The following CFAP54 variants were observed in gnomAD, a reference collection of about 807,000 sequenced individuals.
CFAP54 encodes cilia- and flagella-associated protein 54.
Under a neutral mutation model 370.4 loss-of-function variants are expected in CFAP54, and 290 were observed. The observed-to-expected ratio is 0.78, with a 90% CI of 0.71 to 0.86. The LOEUF is 0.86. Ranked by LOEUF, CFAP54 falls within the 40% of genes least tolerant of loss-of-function variation. The pLI is 0.00. For missense variants in CFAP54, 3,399 were observed against 3,528.7 expected (o/e 0.96, Z 0.93); for synonymous variants, 1,206 against 1,236.5 (o/e 0.98, Z 0.52).
intron 22 of CFAP54, among the ~76,000 whole-genome samples, chr12:96,582,466 A>T (rs1956041665): frequency 6.6e-6 from 1 of 152,110 alleles, no homozygotes; most frequent in African/African-American, 2.4e-5. Flanking sequence ...GTGGCATTTT[A>T]TATAGCATAT....
intron 65 of CFAP54, among the ~76,000 whole-genome samples, chr12:96,822,337 C>T (rs531328887): frequency 1.9e-4 from 29 of 152,252 alleles, no homozygotes; most frequent in African/African-American, 6.3e-4. Flanking sequence ...TTTGCCAAGT[C>T]ACCTAAGGTT....
chr12:96,522,291 C>A, intron 8 of CFAP54, 102 bp downstream of exon 8: 1 of 768,044 alleles, frequency 1.3e-6, no homozygotes, highest in Non-Finnish European at 2.0e-6. Context: ...TAAATTCTGC[C>A]CCCAGTTCTC....
At chr12:96,577,640 G>GTT (rs34212241) in intron 20 of CFAP54, among the ~76,000 whole-genome samples, 102 of 149,034 alleles carry the variant, frequency 6.8e-4, no homozygotes, top group Non-Finnish European at 1.1e-3. Flanking sequence ...CATTTCCTGA[G>GTT]TTTTTTTTTT....
intron 65 of CFAP54, among the ~76,000 whole-genome samples, chr12:96,819,117 G>A (rs1047232863): frequency 2.0e-5 from 3 of 152,204 alleles, no homozygotes; most frequent in Non-Finnish European, 4.4e-5. Context: ...ACTTTTAGCT[G>A]CTACGTTTGT....
intron 12 of CFAP54, among the ~76,000 whole-genome samples, chr12:96,536,006 A>G (rs1362543346): frequency 6.6e-6 from 1 of 152,242 alleles, no homozygotes; most frequent in African/African-American, 2.4e-5. Context: ...AACTATTATA[A>G]TATAGCAATG....
chr12:96,517,619 C>T (rs1321088521), intron 5 of CFAP54, among the ~76,000 whole-genome samples: 1 of 152,216 alleles, frequency 6.6e-6, no homozygotes, highest in Non-Finnish European at 1.5e-5. Flanking sequence ...AATTTCATAT[C>T]AGTTCACAAA....
chr12:96,583,215 A>C (rs964388720), intron 22 of CFAP54, among the ~76,000 whole-genome samples: 5 of 152,070 alleles, frequency 3.3e-5, no homozygotes, highest in Non-Finnish European at 5.9e-5. Context: ...TTTTTTGAGG[A>C]AACTTTTTGA....
At chr12:96,598,995 A>G (rs1047898819) in intron 26 of CFAP54, among the ~76,000 whole-genome samples, 5 of 151,856 alleles carry the variant, frequency 3.3e-5, no homozygotes, top group African/African-American at 9.7e-5. Context: ...TTGAAATAGC[A>G]TTAGTATATC....
chr12:96,803,005 A>G (rs1958838362), intron 63 of CFAP54, among the ~76,000 whole-genome samples: 1 of 152,072 alleles, frequency 6.6e-6, no homozygotes, highest in South Asian at 2.1e-4. Context: ...AAGGACATGA[A>G]CTCATTCTTT....
intron 48 of CFAP54, 53 bp from the exon 49 acceptor site, chr12:96,718,390 T>C: frequency 1.1e-6 from 1 of 883,536 alleles, no homozygotes; most frequent in East Asian, 2.5e-5. Flanking sequence ...AGAATTAATA[T>C]TTAAACTAAC....
At chr12:96,537,383 C>T (rs377314731) in intron 12 of CFAP54, among the ~76,000 whole-genome samples, 2 of 152,094 alleles carry the variant, frequency 1.3e-5, no homozygotes, top group South Asian at 2.1e-4. Flanking sequence ...TGCTCTGTCG[C>T]CAAGCTGGAG....
intron 32 of CFAP54, among the ~76,000 whole-genome samples, chr12:96,634,044 A>ATTTTTTTTTTTTT (rs1238845346): frequency 1.2e-5 from 1 of 85,360 alleles, no homozygotes; most frequent in Non-Finnish European, 2.7e-5. Context: ...GATAGCGAAC[A>ATTTTTTTTTTTTT]TCTTTTTTTT....
chr12:96,743,409 T>C lies in CFAP54; in HGVS notation c.7227T>C (p.Asp2409=), dbSNP rs1958073737. 1 of 1,613,718 alleles carries C rather than the reference T, an allele frequency of 6.2e-7. No homozygotes were observed. Among genetic ancestry groups the C allele is most frequent in the Admixed American group, 1.7e-5 (1 of 59,958 alleles). Residue 2409 remains aspartate (D), a synonymous_variant, in exon 53 of 68, where the codon GAT becomes GAC. Transcript: ENST00000524981. Reference sequence around the variant, plus strand: ...CGCATTTGTTTATTTTAGAGGATGATATGACAGATTGCCTGAGCCTCATCA... The same window carrying C: ...CGCATTTGTTTATTTTAGAGGATGACATGACAGATTGCCTGAGCCTCATCA... ...IHGIGIVKED[D]MTDCLSLINE...
intron 65 of CFAP54, among the ~76,000 whole-genome samples, chr12:96,821,702 T>TAAA (rs10577712): frequency 3.8e-5 from 5 of 131,900 alleles, no homozygotes; most frequent in African/African-American, 2.8e-5. Flanking sequence ...AGCACTTTAT[T>TAAA]AAAAAAAAAA....
At chr12:96,595,363 G>T (rs564157152) in intron 25 of CFAP54, among the ~76,000 whole-genome samples, 6 of 152,240 alleles carry the variant, frequency 3.9e-5, no homozygotes, top group Admixed American at 3.9e-4. Context: ...CCAGGGGGAA[G>T]AATCTTGGGG....
At chr12:96,635,232 GA>G (rs946330058) in intron 32 of CFAP54, among the ~76,000 whole-genome samples, 2 of 152,016 alleles carry the variant, frequency 1.3e-5, no homozygotes, top group African/African-American at 2.4e-5. Context: ...TTTGCTTTGG[GA>G]TTTGGGATGA....
At chr12:96,600,832 C>T (rs902138357) in intron 26 of CFAP54, among the ~76,000 whole-genome samples, 1 of 152,124 alleles carries the variant, frequency 6.6e-6, no homozygotes, top group Non-Finnish European at 1.5e-5. Flanking sequence ...TTTGCTGAAG[C>T]TGCTTATCAG....
At chr12:96,640,285 A>C (rs1320018219) in intron 32 of CFAP54, among the ~76,000 whole-genome samples, 1 of 152,238 alleles carries the variant, frequency 6.6e-6, no homozygotes, top group African/African-American at 2.4e-5. Context: ...TACAACAATA[A>C]CAGACAAACA....
intron 44 of CFAP54, among the ~76,000 whole-genome samples, chr12:96,692,714 A>C (rs1957400523): frequency 6.6e-6 from 1 of 152,220 alleles, no homozygotes; most frequent in Admixed American, 6.5e-5. Flanking sequence ...CCCCAGGTGA[A>C]ATTGCAAGAA....
Sources: allele counts gnomAD v4.1 joint callset (sites outside exome capture counted in the v4.1 genomes callset), GRCh38; gene constraint gnomAD v4.1.1; transcripts MANE v1.5; gene names NCBI Gene and HGNC (gene_info 2026-07-23, HGNC 2026-07-21).